Variants in CSMD1 observed in about 807,000 individuals in gnomAD.
CSMD1 encodes the protein CUB and sushi domain-containing protein 1.
Under a neutral mutation model 417.5 loss-of-function variants are expected in CSMD1, and 213 were observed. That is an observed-to-expected ratio of 0.51 (90% CI 0.46 to 0.57). The LOEUF (loss-of-function observed/expected upper bound fraction) is 0.57. CSMD1 is among the 20% of genes least tolerant of loss of function. CSMD1 has a pLI of 0.00. For missense variants in CSMD1, 6,923 were observed against 4,529.7 expected, an observed-to-expected ratio of 1.53 and a Z score of -15.17; for synonymous variants, 2,862 against 1,736.8, an observed-to-expected ratio of 1.65 and a Z score of -16.11.
At chr8:4,452,680 A>G (rs985001296) in intron 2 of CSMD1, among the ~76,000 whole-genome samples, 11 of 152,200 alleles carry the variant, frequency 7.2e-5, no homozygotes, top group Admixed American at 6.5e-5. Context: ...CTCCAGAAAT[A>G]AAGTCTAAAT....
At chr8:4,337,479 G>C (rs759649339) in intron 3 of CSMD1, among the ~76,000 whole-genome samples, 3 of 151,998 alleles carry the variant, frequency 2.0e-5, no homozygotes, top group Non-Finnish European at 4.4e-5. Context: ...TGGGATCTCT[G>C]CTTTGCTTTT....
intron 3 of CSMD1, among the ~76,000 whole-genome samples, chr8:4,054,755 G>A (rs1798604585): frequency 6.6e-6 from 1 of 152,148 alleles, no homozygotes; most frequent in Non-Finnish European, 1.5e-5. Flanking sequence ...GTCATTCTCT[G>A]GGGGTTGATG....
chr8:3,553,423 T>C (rs1799004353), intron 10 of CSMD1, among the ~76,000 whole-genome samples: 1 of 152,204 alleles, frequency 6.6e-6, no homozygotes, highest in Non-Finnish European at 1.5e-5. Context: ...CATGATCTCA[T>C]CCTATGTCTA....
intron 4 of CSMD1, among the ~76,000 whole-genome samples, chr8:4,012,516 T>A (rs1050981704): frequency 2.0e-5 from 3 of 152,140 alleles, no homozygotes; most frequent in Non-Finnish European, 4.4e-5. Flanking sequence ...GTATGCATGA[T>A]CCCTACACCC....
intron 39 of CSMD1, among the ~76,000 whole-genome samples, chr8:3,152,686 G>A (rs192742575): frequency 6.6e-6 from 1 of 152,266 alleles, no homozygotes; most frequent in African/African-American, 2.4e-5. Context: ...ATATTTTTGT[G>A]GTGTGAGTCA....
intron 3 of CSMD1, among the ~76,000 whole-genome samples, chr8:4,055,065 A>C (rs2552155): frequency 9.9e-5 from 15 of 152,148 alleles, no homozygotes; most frequent in Non-Finnish European, 1.5e-4. Flanking sequence ...TCAAACAATC[A>C]GAGAGAATAC....
chr8:3,773,472 A>C (rs1798727978), intron 5 of CSMD1, among the ~76,000 whole-genome samples: 1 of 151,976 alleles, frequency 6.6e-6, no homozygotes, highest in Non-Finnish European at 1.5e-5. Context: ...TTTTTTGTAG[A>C]GATTGGGTCT....
chr8:4,846,149 T>A (rs58128246), intron 1 of CSMD1, among the ~76,000 whole-genome samples: 9,276 of 152,286 alleles, frequency 0.061, 328 homozygotes, highest in African/African-American at 0.094. Context: ...CTGTCCTGCA[T>A]ACTATTGTGT....
At chr8:4,601,876 C>G (rs1262976191) in intron 2 of CSMD1, among the ~76,000 whole-genome samples, 2 of 152,118 alleles carry the variant, frequency 1.3e-5, no homozygotes, top group Non-Finnish European at 1.5e-5. Flanking sequence ...CACTGTGGAG[C>G]AGGGCACAGC....
At chr8:4,041,656 A>G (rs1797901498) in intron 3 of CSMD1, among the ~76,000 whole-genome samples, 1 of 152,200 alleles carries the variant, frequency 6.6e-6, no homozygotes, top group East Asian at 1.9e-4. Flanking sequence ...AAACTCAATC[A>G]ATGAAAAGTG....
At position 3,189,946 on chromosome 8, in the gene CSMD1, C is replaced by A; in HGVS notation, c.5364G>T (p.Leu1788Phe). The change falls in exon 34 of 70, where the codon TTG becomes TTT. Residue 1788 changes from leucine (L) to phenylalanine (F), a missense_variant. Leu to Phe is a conservative substitution (Grantham distance 22). Transcript: ENST00000635120. ...ALHCQSVPNA[L>F]AQWNDTIPSC... ...TGGGGATCGTGTCGTTCCACTGTGCCAAGGCGTTGGGCACGGACTGGCAGT... is the reference window on the plus strand; with the variant it reads ...TGGGGATCGTGTCGTTCCACTGTGCAAAGGCGTTGGGCACGGACTGGCAGT... 1 of 1,594,234 alleles carries A rather than the reference C, an allele frequency of 6.3e-7. No individual in the cohort carries two copies. Among genetic ancestry groups the A allele is most frequent in the Non-Finnish European group, 8.5e-7 (1 of 1,170,776 alleles).
intron 3 of CSMD1, among the ~76,000 whole-genome samples, chr8:4,272,107 T>C (rs1359045683): frequency 6.6e-6 from 1 of 152,146 alleles, no homozygotes; most frequent in Non-Finnish European, 1.5e-5. Flanking sequence ...CCCACACCTG[T>C]CAGGGGTGTG....
At chr8:4,225,916 T>C (rs916788881) in intron 3 of CSMD1, among the ~76,000 whole-genome samples, 73 of 152,356 alleles carry the variant, frequency 4.8e-4, no homozygotes, top group African/African-American at 1.8e-3. Context: ...AATTGTCTAA[T>C]AATTTCTTAT....
At chr8:3,669,402 C>T (rs1798870317) in intron 7 of CSMD1, among the ~76,000 whole-genome samples, 1 of 152,100 alleles carries the variant, frequency 6.6e-6, no homozygotes, top group Admixed American at 6.6e-5. Flanking sequence ...GCTGGCCAGT[C>T]TAGGGGTTCG....
At chr8:4,763,212 G>A (rs1438930341) in intron 1 of CSMD1, among the ~76,000 whole-genome samples, 2 of 152,198 alleles carry the variant, frequency 1.3e-5, no homozygotes, top group Admixed American at 1.3e-4. Context: ...CTTCAAAACT[G>A]TTATTCCGTG....
At chr8:3,490,376 G>A (rs548415900) in intron 11 of CSMD1, among the ~76,000 whole-genome samples, 15 of 152,208 alleles carry the variant, frequency 9.9e-5, no homozygotes, top group African/African-American at 2.9e-4. Flanking sequence ...AAAAATGAGT[G>A]TATGATTTTA....
chr8:3,663,301 G>A (rs1245166177), intron 7 of CSMD1, among the ~76,000 whole-genome samples: 2 of 152,180 alleles, frequency 1.3e-5, no homozygotes, highest in African/African-American at 2.4e-5. Flanking sequence ...GATGTGGGCA[G>A]TAGAATATAT....
At chr8:4,983,493 C>A (rs1811007552) in intron 1 of CSMD1, among the ~76,000 whole-genome samples, 1 of 152,122 alleles carries the variant, frequency 6.6e-6, no homozygotes, top group Non-Finnish European at 1.5e-5. Context: ...ACAATGTAAA[C>A]AAATGAATGA....
intron 12 of CSMD1, among the ~76,000 whole-genome samples, chr8:3,450,484 C>G (rs1449218372): frequency 6.6e-6 from 1 of 151,024 alleles, no homozygotes; most frequent in African/African-American, 2.5e-5. Context: ...ACAACAGGCC[C>G]TGGTGTGTGA....
Sources: gnomAD v4.1 joint callset for allele counts (sites outside exome capture counted in the v4.1 genomes callset) on GRCh38, gnomAD v4.1.1 for gene constraint, MANE v1.5 for transcripts, NCBI Gene and HGNC (gene_info 2026-07-23, HGNC 2026-07-21) for gene names.